RACGAP1: variants seen among roughly 807,000 people sequenced by gnomAD.
The protein encoded by RACGAP1 is rac GTPase-activating protein 1.
RACGAP1 carries 30 observed loss-of-function variants against 78.1 expected under a neutral mutation model. The observed-to-expected ratio is 0.38, with a 90% CI of 0.29 to 0.52. The LOEUF (loss-of-function observed/expected upper bound fraction) is 0.52. Among genes scored for constraint, RACGAP1 ranks in the 20% least tolerant of loss-of-function variants. RACGAP1 has a pLI of 0.82. For synonymous variants in RACGAP1, 231 were observed against 264.8 expected (o/e 0.87, Z 1.24); for missense variants, 587 against 777.1 (o/e 0.76, Z 2.91).
chr12:50,029,653 G>C (rs942884619), upstream of RACGAP1, among the ~76,000 whole-genome samples: 3 of 152,092 alleles, frequency 2.0e-5, no homozygotes, highest in South Asian at 2.1e-4. Context: ...CAGAACTTTG[G>C]GAGGCCGAGG....
At chr12:50,021,061 C>A (rs1388520840) in intron 1 of RACGAP1, 3 of 960,026 alleles carry the variant, frequency 3.1e-6, no homozygotes, top group Admixed American at 6.2e-5. Context: ...AATTTACTCA[C>A]CCTATTCAAC....
At chr12:50,010,391 T>G (rs1283840827) in intron 2 of RACGAP1, among the ~76,000 whole-genome samples, 2 of 151,748 alleles carry the variant, frequency 1.3e-5, no homozygotes, top group Non-Finnish European at 2.9e-5. Flanking sequence ...TGACATGATC[T>G]TGGCTGACCA....
intron 1 of RACGAP1, among the ~76,000 whole-genome samples, chr12:50,032,240 T>G (rs1950342115): frequency 6.6e-6 from 1 of 152,218 alleles, no homozygotes. Context: ...GCACAGTTCC[T>G]GGCCCACTGT....
At chr12:50,014,918 T>C (rs1262888892) in intron 2 of RACGAP1, among the ~76,000 whole-genome samples, 1 of 151,574 alleles carries the variant, frequency 6.6e-6, no homozygotes, top group Non-Finnish European at 1.5e-5. Flanking sequence ...TGGCGGACAC[T>C]TATAATCCCA....
At chr12:50,007,468 G>A (rs138222758) in intron 2 of RACGAP1, among the ~76,000 whole-genome samples, 203 of 152,240 alleles carry the variant, frequency 1.3e-3, no homozygotes, top group African/African-American at 4.6e-3. Flanking sequence ...GTTAACCTCC[G>A]TCTATCTCTA....
intron 2 of RACGAP1, among the ~76,000 whole-genome samples, chr12:50,010,988 G>A (rs1373167843): frequency 1.3e-5 from 2 of 151,622 alleles, no homozygotes; most frequent in East Asian, 2.0e-4. Context: ...AATGATGAAA[G>A]GCAAGAGTAA....
chr12:50,001,070 A>C lies in RACGAP1; in HGVS notation c.630+102T>G, dbSNP rs577459693. On this transcript the variant is annotated intron_variant, in intron 7 of 16. Transcript: ENST00000312377. Reference sequence around the variant, plus strand: ...TCTCAAAAAACAAACAAAAACTTTAACTAAACATCATGTCTCTCAAAACAA... The same window carrying C: ...TCTCAAAAAACAAACAAAAACTTTACCTAAACATCATGTCTCTCAAAACAA... 1.8e-4 allele frequency: 177 copies of C among 992,212 alleles called. 1 individual carries two copies. The South Asian group carries it at 2.9e-3, about 16-fold the overall frequency. 61.5% of individuals were successfully genotyped at this position (992,212 alleles called of 1,614,324 possible). A position where few individuals can be genotyped will look rare whatever the true frequency, so the allele number is the denominator to read the frequency against.
chr12:50,031,776 C>T, exon 2 of RACGAP1: 4 of 985,162 alleles, frequency 4.1e-6, no homozygotes, highest in Non-Finnish European at 4.8e-6. Flanking sequence ...GTGTTCTCTC[C>T]CTTTCATACT....
At chr12:50,016,580 CA>C (rs1949694361) in intron 2 of RACGAP1, 50 bp downstream of exon 2, 3 of 1,559,406 alleles carry the variant, frequency 1.9e-6, no homozygotes, top group Non-Finnish European at 1.8e-6. Flanking sequence ...GTAAAAATCC[CA>C]AATTTGAAAT....
At chr12:50,032,659 T>A (rs1381717847) in intron 1 of RACGAP1, among the ~76,000 whole-genome samples, 1 of 152,128 alleles carries the variant, frequency 6.6e-6, no homozygotes, top group African/African-American at 2.4e-5. Flanking sequence ...GCTGCACTTG[T>A]AACCGGAGAA....
Position 50,002,248 on chromosome 12 carries a change from C to T in RACGAP1, c.548G>A (p.Arg183Lys). The change falls in exon 6 of 17, where the codon AGG becomes AAG. Residue 183 changes from arginine to lysine, a missense_variant and splice_region_variant. Coordinates refer to ENST00000312377, the MANE Select transcript of RACGAP1 (RefSeq NM_001319999.2). ...AAAGACTAAACAAATCATACATACCCTCTTTTCTCTCTTCTTCAGTTTGAA... is the reference window on the plus strand; with the variant it reads ...AAAGACTAAACAAATCATACATACCTTCTTTTCTCTCTTCTTCAGTTTGAA... ...KTFKLKKREK[R>K]RSTSRQFVDG... The T allele has an allele frequency of 6.2e-7, 1 of 1,612,840 alleles. No individual in the cohort carries two copies. The highest frequency in any genetic ancestry group is 8.5e-7 in the Non-Finnish European group (1 of 1,179,254).
intron 2 of RACGAP1, among the ~76,000 whole-genome samples, chr12:50,009,415 G>A (rs1285820516): frequency 1.3e-5 from 2 of 152,006 alleles, no homozygotes; most frequent in Admixed American, 6.6e-5. Context: ...TTAAAAATCA[G>A]GATTTGGTTC....
At chr12:50,025,562 C>T (rs1014207503), upstream of RACGAP1, 20 of 984,296 alleles carry the variant, frequency 2.0e-5, no homozygotes, top group Admixed American at 6.1e-4. Context: ...ACGTACGCGT[C>T]AGGGCCACGC....
rs1305595261 is a variant in RACGAP1 at position 49,990,350 on chromosome 12, T to TA, written c.1824-8dup. 3.1e-6 allele frequency: 5 copies of TA among 1,608,538 alleles called. No individual in the cohort carries two copies. The Admixed American group carries it at 5.0e-5, about 16-fold the overall frequency. ...CTTGCTTTTGCTCCCAAATCTACAA[T>TA]AAAAAGAGAATGAACTGGAAAAATA... On this transcript the variant is annotated splice_polypyrimidine_tract_variant and splice_region_variant and intron_variant, in intron 16 of 16. Transcript: ENST00000312377.
At chr12:50,014,273 G>T (rs1473663887) in intron 2 of RACGAP1, among the ~76,000 whole-genome samples, 3 of 152,178 alleles carry the variant, frequency 2.0e-5, no homozygotes, top group Non-Finnish European at 4.4e-5. Flanking sequence ...ACAAAGAGAA[G>T]CTGGTATAGA....
Position 49,994,130 on chromosome 12 carries a change from C to A in RACGAP1, c.1339+1G>T, listed in dbSNP as rs1200433370. On this transcript the variant is annotated splice_donor_variant, in intron 12 of 16. Coordinates refer to ENST00000312377, the MANE Select transcript of RACGAP1 (RefSeq NM_001319999.2). LOFTEE classifies it high-confidence loss of function. ...TATTCAAGTATTACATCTGCCCTTA[C>A]CTGCTGCTTCCATAAAGGCTCTGTT... 6.2e-7 allele frequency: 1 copy of A among 1,609,622 alleles called. No individual in the cohort carries two copies.
At chr12:50,027,190 G>A (rs7972448), upstream of RACGAP1, among the ~76,000 whole-genome samples, 8,033 of 152,214 alleles carry the variant, frequency 0.053, 681 homozygotes, top group African/African-American at 0.18. Flanking sequence ...TTAAGAAAGG[G>A]ATGAAGAAAG....
At chr12:50,000,342 G>A (rs1299242446) in intron 7 of RACGAP1, among the ~76,000 whole-genome samples, 1 of 151,678 alleles carries the variant, frequency 6.6e-6, no homozygotes, top group East Asian at 2.0e-4. Context: ...AGTAGAGACG[G>A]GATTTCGCCA....
chr12:50,015,637 T>A (rs939776052), intron 2 of RACGAP1, among the ~76,000 whole-genome samples: 1 of 151,752 alleles, frequency 6.6e-6, no homozygotes, highest in Non-Finnish European at 1.5e-5. Flanking sequence ...CCGTCTCTAC[T>A]GAAAATACAA....
Sources: allele counts gnomAD v4.1 joint callset (sites outside exome capture counted in the v4.1 genomes callset), GRCh38; gene constraint gnomAD v4.1.1; transcripts MANE v1.5; gene names NCBI Gene and HGNC (gene_info 2026-07-23, HGNC 2026-07-21).